The following NDST4 variants were observed in gnomAD, a reference collection of about 807,000 sequenced individuals.
NDST4 encodes the protein N-heparan sulfate sulfotransferase 4.
Under a neutral mutation model 100.8 loss-of-function variants are expected in NDST4, and 63 were observed. The observed-to-expected ratio is 0.62, with a 90% CI of 0.51 to 0.77. The LOEUF is 0.77. Among genes scored for constraint, NDST4 ranks in the 30% least tolerant of loss-of-function variants. NDST4 has a pLI of 0.00. For synonymous variants in NDST4, 377 were observed against 361.8 expected, an observed-to-expected ratio of 1.04 and a Z score of -0.48; for missense variants, 943 against 1,018.4, an observed-to-expected ratio of 0.93 and a Z score of 1.01.
intron 1 of NDST4, among the ~76,000 whole-genome samples, chr4:115,105,952 T>C (rs1178208074): frequency 1.3e-5 from 2 of 152,164 alleles, no homozygotes; most frequent in East Asian, 1.9e-4. Context: ...AGTTGCCAGA[T>C]GTCTTCTCAC....
chr4:114,992,124 T>C (rs975451534), intron 2 of NDST4, among the ~76,000 whole-genome samples: 1 of 151,956 alleles, frequency 6.6e-6, no homozygotes, highest in African/African-American at 2.4e-5. Context: ...TATTGGTACA[T>C]TATTATTAGC....
chr4:115,084,365 T>C (rs1165986392), intron 1 of NDST4, among the ~76,000 whole-genome samples: 2 of 152,108 alleles, frequency 1.3e-5, no homozygotes, highest in Non-Finnish European at 2.9e-5. Context: ...GATGATGCAG[T>C]AGAAAAGAAA....
chr4:115,076,787 C>T lies in NDST4; in HGVS notation c.250G>A (p.Val84Met), dbSNP rs138360724. ...CCGAGTTGAGAGTATTGGCTCTCCA[C>T]GAAGAGAAGGACAGTAGGGTCCGTT... Reference protein sequence around the residue: ...SKTDPTVLLFVESQYSQLGQD... With the variant: ...SKTDPTVLLFMESQYSQLGQD... Residue 84 changes from valine (V) to methionine (M), a missense_variant, in exon 2 of 14, where the codon GTG (valine) becomes ATG (methionine). Around this residue, in one of 2 missense-constraint regions of NDST4, gnomAD observed 417 missense variants for 384.2 expected, o/e 1.09. Coordinates refer to ENST00000264363, the MANE Select transcript of NDST4 (RefSeq NM_022569.3). 8.6e-5 allele frequency: 139 copies of T among 1,613,746 alleles called. No homozygotes were observed. The highest frequency in any genetic ancestry group is 1.1e-4 in the Non-Finnish European group (124 of 1,179,928).
chr4:115,110,455 C>T (rs763975477), intron 1 of NDST4, among the ~76,000 whole-genome samples: 28 of 151,904 alleles, frequency 1.8e-4, no homozygotes, highest in Non-Finnish European at 3.4e-4. Context: ...TCTGGGGGTA[C>T]GTAATGAGAG....
intron 2 of NDST4, among the ~76,000 whole-genome samples, chr4:115,034,221 C>A (rs908580062): frequency 4.6e-5 from 7 of 152,070 alleles, no homozygotes; most frequent in Non-Finnish European, 1.0e-4. Flanking sequence ...TCTGAAGGCA[C>A]CAGTGGAAAT....
At chr4:115,101,629 G>C (rs1729731801) in intron 1 of NDST4, among the ~76,000 whole-genome samples, 1 of 152,090 alleles carries the variant, frequency 6.6e-6, no homozygotes, top group Non-Finnish European at 1.5e-5. Context: ...TCTTGAATTT[G>C]TCAATCAAGA....
intron 10 of NDST4, among the ~76,000 whole-genome samples, chr4:114,841,435 A>G (rs991545063): frequency 6.6e-6 from 1 of 152,208 alleles, no homozygotes; most frequent in South Asian, 2.1e-4. Flanking sequence ...TCACTGCAAT[A>G]CAGCAATAAA....
intron 6 of NDST4, among the ~76,000 whole-genome samples, chr4:114,920,604 A>G (rs1204883671): frequency 6.6e-6 from 1 of 152,154 alleles, no homozygotes; most frequent in Non-Finnish European, 1.5e-5. Flanking sequence ...TATCTTTTAC[A>G]TTGTTTAAGG....
chr4:115,107,225 A>G (rs943405276), intron 1 of NDST4, among the ~76,000 whole-genome samples: 3 of 152,124 alleles, frequency 2.0e-5, no homozygotes, highest in African/African-American at 7.2e-5. Flanking sequence ...AAATTTAAAA[A>G]CCAGTAATTT....
chr4:114,994,824 C>T (rs1727125132), intron 2 of NDST4, among the ~76,000 whole-genome samples: 1 of 151,908 alleles, frequency 6.6e-6, no homozygotes, highest in Non-Finnish European at 1.5e-5. Flanking sequence ...AATTAATCAA[C>T]AAGCCATCAC....
chr4:115,105,624 C>A (rs555698101), intron 1 of NDST4, among the ~76,000 whole-genome samples: 2 of 152,212 alleles, frequency 1.3e-5, no homozygotes, highest in South Asian at 4.1e-4. Context: ...AACAAGAAAT[C>A]TTGGTAGCCA....
intron 1 of NDST4, among the ~76,000 whole-genome samples, chr4:115,078,119 G>A (rs892569885): frequency 6.6e-6 from 1 of 151,924 alleles, no homozygotes; most frequent in Non-Finnish European, 1.5e-5. Context: ...TTCTTGTATT[G>A]CTCTAAAAAA....
intron 2 of NDST4, among the ~76,000 whole-genome samples, chr4:115,037,803 A>G (rs552872225): frequency 1.3e-5 from 2 of 152,204 alleles, no homozygotes; most frequent in Non-Finnish European, 1.5e-5. Context: ...ATTCAACAAC[A>G]TAGGCCATTG....
chr4:115,087,764 T>A (rs1227898111), intron 1 of NDST4, among the ~76,000 whole-genome samples: 2 of 151,974 alleles, frequency 1.3e-5, no homozygotes, highest in Non-Finnish European at 2.9e-5. Context: ...CCATTTTCAT[T>A]CAAAAGTAAA....
intron 6 of NDST4, among the ~76,000 whole-genome samples, chr4:114,883,987 C>T (rs1004370165): frequency 1.3e-5 from 2 of 152,104 alleles, no homozygotes; most frequent in African/African-American, 4.8e-5. Context: ...GTCTACAAGA[C>T]ACTCCCTACA....
intron 2 of NDST4, among the ~76,000 whole-genome samples, chr4:115,070,308 G>A (rs1729047184): frequency 6.6e-6 from 1 of 152,040 alleles, no homozygotes; most frequent in Non-Finnish European, 1.5e-5. Context: ...AAACTAATAT[G>A]GAAACAGAAA....
At chr4:115,059,830 A>G (rs747288751) in intron 2 of NDST4, among the ~76,000 whole-genome samples, 1 of 152,016 alleles carries the variant, frequency 6.6e-6, no homozygotes, top group African/African-American at 2.4e-5. Flanking sequence ...CATGAGGAGA[A>G]GTTGCAATAG....
chr4:114,889,958 G>T (rs28729973), intron 6 of NDST4, among the ~76,000 whole-genome samples: 12,565 of 152,134 alleles, frequency 0.083, 1,520 homozygotes, highest in African/African-American at 0.26. Flanking sequence ...TAATATATTC[G>T]CACGAAGGGA....
intron 4 of NDST4, among the ~76,000 whole-genome samples, chr4:114,950,361 A>G (rs1725964161): frequency 6.6e-6 from 1 of 152,084 alleles, no homozygotes; most frequent in Non-Finnish European, 1.5e-5. Context: ...TAGGTCACCT[A>G]TAGTAACTGA....
Sources: gnomAD v4.1 joint callset for allele counts (sites outside exome capture counted in the v4.1 genomes callset) on GRCh38, gnomAD v4.1.1 for gene constraint, gnomAD v4.1.1 regional missense constraint, MANE v1.5 for transcripts, NCBI Gene and HGNC (gene_info 2026-07-23, HGNC 2026-07-21) for gene names.